CAMK1D: variants seen among roughly 807,000 people sequenced by gnomAD.
CAMK1D encodes the protein calcium/calmodulin-dependent protein kinase type 1D.
In CAMK1D, 9 loss-of-function variants were observed where a neutral mutation model predicts 47.7. That is an observed-to-expected ratio of 0.19 (90% CI 0.11 to 0.33). CAMK1D has a LOEUF of 0.33. CAMK1D is among the 10% of genes least tolerant of loss of function. The probability of loss-of-function intolerance (pLI) is 1.00; values close to 1 mark genes in which losing one functional copy is unlikely to be tolerated. For synonymous variants in CAMK1D, 184 were observed against 184.9 expected, an observed-to-expected ratio of 0.99 and a Z score of 0.04; for missense variants, 291 against 488.7, an observed-to-expected ratio of 0.60 and a Z score of 3.81.
chr10:12,481,140 C>T (rs909121674), intron 1 of CAMK1D, among the ~76,000 whole-genome samples: 1 of 152,202 alleles, frequency 6.6e-6, no homozygotes, highest in Non-Finnish European at 1.5e-5. Flanking sequence ...TGTTACCAGC[C>T]ATTATTCCAG....
At chr10:12,489,906 G>A (rs1449303991) in intron 1 of CAMK1D, among the ~76,000 whole-genome samples, 1 of 152,186 alleles carries the variant, frequency 6.6e-6, no homozygotes, top group Non-Finnish European at 1.5e-5. Context: ...CGACACCTCC[G>A]AGTCTGCATT....
intron 1 of CAMK1D, among the ~76,000 whole-genome samples, chr10:12,437,337 G>T (rs181481297): frequency 6.6e-6 from 1 of 152,150 alleles, no homozygotes; most frequent in Non-Finnish European, 1.5e-5. Context: ...GATTACCGGC[G>T]TCTGCTACCA....
intron 1 of CAMK1D, among the ~76,000 whole-genome samples, chr10:12,436,489 TTTTGAAAGAAAGGACAAC>T (rs2132001444): frequency 6.6e-6 from 1 of 152,360 alleles, no homozygotes; most frequent in Admixed American, 6.5e-5. Context: ...TGACTTTGTT[TTTTGAAAGAAAGGACAAC>T]TTTTGACTTC....
At chr10:12,516,878 T>A (rs1259608535) in intron 1 of CAMK1D, among the ~76,000 whole-genome samples, 1 of 152,262 alleles carries the variant, frequency 6.6e-6, no homozygotes, top group Non-Finnish European at 1.5e-5. Context: ...AGATGTTGCC[T>A]TTCCATATAA....
chr10:12,783,071 C>A (rs1361022772), intron 5 of CAMK1D, among the ~76,000 whole-genome samples: 1 of 150,674 alleles, frequency 6.6e-6, no homozygotes, highest in African/African-American at 2.4e-5. Context: ...TGGCTCACTG[C>A]AACCTCCACC....
intron 2 of CAMK1D, among the ~76,000 whole-genome samples, chr10:12,576,824 T>C (rs940082560): frequency 6.6e-6 from 1 of 152,138 alleles, no homozygotes; most frequent in Non-Finnish European, 1.5e-5. Flanking sequence ...TTCTAGAGCT[T>C]TGTAGACAAA....
At chr10:12,723,419 A>C (rs1834482850) in intron 3 of CAMK1D, among the ~76,000 whole-genome samples, 1 of 152,166 alleles carries the variant, frequency 6.6e-6, no homozygotes, top group Non-Finnish European at 1.5e-5. Flanking sequence ...CATTTCCCTG[A>C]ATCGTTTTTG....
intron 2 of CAMK1D, among the ~76,000 whole-genome samples, chr10:12,589,152 A>G (rs1184548009): frequency 1.4e-4 from 22 of 152,102 alleles, no homozygotes; most frequent in Admixed American, 1.4e-3. Context: ...CTGGGACCAC[A>G]GGTGCACAGC....
At chr10:12,529,253 C>A (rs1196921766) in intron 1 of CAMK1D, among the ~76,000 whole-genome samples, 1 of 152,194 alleles carries the variant, frequency 6.6e-6, no homozygotes, top group African/African-American at 2.4e-5. Context: ...GCATAATTCT[C>A]AGTTTTTTCA....
At chr10:12,501,966 G>T (rs574894891) in intron 1 of CAMK1D, among the ~76,000 whole-genome samples, 1 of 152,302 alleles carries the variant, frequency 6.6e-6, no homozygotes, top group Non-Finnish European at 1.5e-5. Flanking sequence ...AGAGCTGCAG[G>T]CCCTAGGGAG....
At chr10:12,408,578 T>C (rs977686283) in intron 1 of CAMK1D, among the ~76,000 whole-genome samples, 2 of 152,180 alleles carry the variant, frequency 1.3e-5, no homozygotes, top group Non-Finnish European at 2.9e-5. Context: ...TCCAGTCTTT[T>C]CCTTGAGAAT....
chr10:12,814,784 G>GCAACAAACTCA (rs1832735194), intron 7 of CAMK1D, among the ~76,000 whole-genome samples: 2 of 152,268 alleles, frequency 1.3e-5, no homozygotes, highest in African/African-American at 4.8e-5. Flanking sequence ...CAAACTCACA[G>GCAACAAACTCA]CAGACAGTTC....
At chr10:12,725,082 C>G (rs539041596) in intron 3 of CAMK1D, among the ~76,000 whole-genome samples, 4 of 152,326 alleles carry the variant, frequency 2.6e-5, no homozygotes, top group African/African-American at 9.6e-5. Flanking sequence ...TTCTCCTTAG[C>G]CGTGTGGACT....
chr10:12,785,068 C>T (rs1284165343), intron 5 of CAMK1D, among the ~76,000 whole-genome samples: 1 of 152,180 alleles, frequency 6.6e-6, no homozygotes. Context: ...CAACTGAGTA[C>T]AGCCGCCCCC....
At chr10:12,594,325 G>C (rs770750680) in intron 2 of CAMK1D, among the ~76,000 whole-genome samples, 2 of 152,230 alleles carry the variant, frequency 1.3e-5, no homozygotes, top group Non-Finnish European at 2.9e-5. Context: ...ATCTCAAGAT[G>C]TGGTAATTTC....
In CAMK1D at chr10:12,814,245, A is replaced by C; in HGVS notation, c.692A>C (p.Glu231Ala). 1 of 1,613,944 alleles carries C rather than the reference A, an allele frequency of 6.2e-7. No homozygotes were observed. Among genetic ancestry groups the C allele is most frequent in the Non-Finnish European group, 8.5e-7 (1 of 1,179,936 alleles). The change falls in exon 7 of 11, where the codon GAG (glutamate) becomes GCG (alanine). Residue 231 changes from glutamate (E) to alanine (A), a missense_variant. By Grantham distance (107) the Glu-to-Ala change is moderately radical (BLOSUM62 -1). This residue lies in a region of CAMK1D where 219 missense variants were observed against 424.3 expected (regional missense o/e 0.52). Transcript: ENST00000619168. Reference protein sequence around the residue: ...FYDENDSKLFEQILKAEYEFD... With the variant: ...FYDENDSKLFAQILKAEYEFD... ...GATGAAAATGACTCCAAGCTCTTTG[A>C]GCAGATCCTCAAGGCGGAATATGAG...
At chr10:12,776,733 G>A (rs1008878961) in intron 5 of CAMK1D, among the ~76,000 whole-genome samples, 4 of 152,138 alleles carry the variant, frequency 2.6e-5, no homozygotes, top group African/African-American at 9.7e-5. Context: ...GGCATATCAC[G>A]GCTTCTTTGC....
chr10:12,542,964 T>A (rs1171144526), intron 1 of CAMK1D, among the ~76,000 whole-genome samples: 3 of 152,170 alleles, frequency 2.0e-5, no homozygotes, highest in African/African-American at 7.2e-5. Flanking sequence ...CAGACCGCTC[T>A]TGAACTCCTG....
chr10:12,400,753 T>C (rs140162060), intron 1 of CAMK1D, among the ~76,000 whole-genome samples: 1 of 152,008 alleles, frequency 6.6e-6, no homozygotes, highest in Non-Finnish European at 1.5e-5. Context: ...GAGTGTGACG[T>C]AGGCCTCCAG....
Sources: allele counts gnomAD v4.1 joint callset (sites outside exome capture counted in the v4.1 genomes callset), GRCh38; gene constraint gnomAD v4.1.1; regional missense constraint gnomAD v4.1.1; transcripts MANE v1.5; gene names NCBI Gene and HGNC (gene_info 2026-07-23, HGNC 2026-07-21).